PPP2CB: variants seen among roughly 807,000 people sequenced by gnomAD.
The protein encoded by PPP2CB is protein phosphatase 2 catalytic subunit beta, also known as serine/threonine-protein phosphatase 2A catalytic subunit beta isoform.
Under a neutral mutation model 39.1 loss-of-function variants are expected in PPP2CB, and 18 were observed. That is an observed-to-expected ratio of 0.46 (90% CI 0.32 to 0.68). PPP2CB has a LOEUF of 0.68. Among genes scored for constraint, PPP2CB ranks in the 30% least tolerant of loss-of-function variants. The pLI is 0.04. For missense variants in PPP2CB, 226 were observed against 396.9 expected, an observed-to-expected ratio of 0.57 and a Z score of 3.66; for synonymous variants, 129 against 133.8, an observed-to-expected ratio of 0.96 and a Z score of 0.25.
At chr8:30,799,863 A>G in intron 1 of PPP2CB, 108 bp from the exon 2 acceptor site, 1 of 872,960 alleles carries the variant, frequency 1.1e-6, no homozygotes, top group South Asian at 1.7e-5. Flanking sequence ...ATAAAAGCGT[A>G]TGTGAAAACC....
chr8:30,797,802 T>C (rs745587593), intron 2 of PPP2CB, 48 bp from the exon 3 acceptor site: 4 of 1,577,874 alleles, frequency 2.5e-6, no homozygotes, highest in South Asian at 2.3e-5. Context: ...TTTTTACTAG[T>C]GTCATGTGAA....
chr8:30,812,241 G>C (rs934693820), intron 1 of PPP2CB, 79 bp downstream of exon 1: 6 of 1,113,948 alleles, frequency 5.4e-6, no homozygotes, highest in African/African-American at 4.9e-5. Context: ...GGCCAGGGGC[G>C]GACGGGACCG....
At chr8:30,811,505 ATTTTTTT>A (rs569063598) in intron 1 of PPP2CB, among the ~76,000 whole-genome samples, 1 of 127,616 alleles carries the variant, frequency 7.8e-6, no homozygotes, top group Non-Finnish European at 1.6e-5. Context: ...AGAATCAGCG[ATTTTTTT>A]TTTTTTTTTT....
Position 30,785,905 on chromosome 8 carries a change from ATAAC to A in PPP2CB, c.*326_*329del, listed in dbSNP as rs1687820474. On this transcript the variant is annotated 3_prime_UTR_variant, in exon 7 of 7. Transcript: ENST00000221138. ...TATTAATCCATGCCAGTTAAACACT[ATAAC>A]TAAAATTTCCAAATAAGCGCAAAAG... 4.2e-6 allele frequency: 2 copies of A among 472,324 alleles called. No homozygotes were observed. Among genetic ancestry groups the A allele is most frequent in the Non-Finnish European group, 8.2e-6 (2 of 242,722 alleles). 29.3% of individuals were successfully genotyped at this position (472,324 alleles called of 1,614,324 possible). A position where few individuals can be genotyped will look rare whatever the true frequency, so the allele number is the denominator to read the frequency against.
chr8:30,811,624 TA>T (rs1207030858), intron 1 of PPP2CB, among the ~76,000 whole-genome samples: 2 of 150,762 alleles, frequency 1.3e-5, no homozygotes, highest in Non-Finnish European at 2.9e-5. Flanking sequence ...GCCTCCCGAA[TA>T]GCTGGGATTA....
intron 6 of PPP2CB, among the ~76,000 whole-genome samples, chr8:30,789,134 G>A (rs1348672986): frequency 2.0e-5 from 3 of 151,522 alleles, no homozygotes; most frequent in Non-Finnish European, 4.4e-5. Flanking sequence ...AGGTTCAAGC[G>A]ATTCTCCTGC....
chr8:30,794,341 A>T lies in PPP2CB; in HGVS notation c.487-60T>A, dbSNP rs1018292692. The T allele has an allele frequency of 2.9e-6, 4 of 1,373,438 alleles. No homozygotes were observed. The African/African-American group carries it at 4.3e-5, about 15-fold the overall frequency. The allele number at this position is 1,373,438 out of a possible 1,614,324, so 85.1% of individuals were successfully genotyped here. A position where few individuals can be genotyped will look rare whatever the true frequency, so the allele number is the denominator to read the frequency against. On this transcript the variant is annotated intron_variant, in intron 3 of 6. Coordinates refer to ENST00000221138, the MANE Select transcript of PPP2CB (RefSeq NM_001009552.2). ...TTTACTAACTCCAAACAGTTAACAA[A>T]GAGTAAATAATGGTTAAAAGTGTCA...
chr8:30,803,591 A>G (rs530733451), intron 1 of PPP2CB, among the ~76,000 whole-genome samples: 1 of 151,936 alleles, frequency 6.6e-6, no homozygotes, highest in East Asian at 1.9e-4. Flanking sequence ...CATGTCAATC[A>G]GTCTCTGGAA....
In PPP2CB at chr8:30,812,647, G is replaced by T. The variant is rs1131305; in HGVS notation, c.-226C>A. 76,883 of 368,148 alleles carry T rather than the reference G, an allele frequency of 0.21. 10,508 individuals are homozygous for T. Among genetic ancestry groups the T allele is most frequent in the African/African-American group, 0.49 (21,999 of 45,052 alleles). The allele number at this position is 368,148 out of a possible 1,614,324, so 22.8% of individuals were successfully genotyped here. On this transcript the variant is annotated 5_prime_UTR_variant, in exon 1 of 7. Coordinates refer to ENST00000221138, the MANE Select transcript of PPP2CB (RefSeq NM_001009552.2). ...CGCAGCCTGGAGGAGACCCCCGCCC[G>T]CCCTTCCCCGCCCGGCCGCGCGCCG...
chr8:30,786,153 T>C lies in PPP2CB; in HGVS notation c.*82A>G, dbSNP rs914287911. ...TTTGTTACAGAAACACATAGATTAC[T>C]GTTGCTTTTTGTTTTTAAATACATA... On this transcript the variant is annotated 3_prime_UTR_variant, in exon 7 of 7. Transcript: ENST00000221138. 3 of 1,185,160 alleles carry C rather than the reference T, an allele frequency of 2.5e-6. No homozygotes were observed. The highest frequency in any genetic ancestry group is 2.5e-5 in the Admixed American group (1 of 40,572). The allele number at this position is 1,185,160 out of a possible 1,614,324, so 73.4% of individuals were successfully genotyped here. A position where few individuals can be genotyped will look rare whatever the true frequency, so the allele number is the denominator to read the frequency against.
intron 6 of PPP2CB, among the ~76,000 whole-genome samples, chr8:30,788,295 GCT>G (rs1292991758): frequency 2.0e-5 from 3 of 149,694 alleles, no homozygotes; most frequent in Non-Finnish European, 4.4e-5. Flanking sequence ...CAGGGTCTTT[GCT>G]CTGTTGCCTA....
chr8:30,789,477 T>C (rs1390542675), intron 6 of PPP2CB, among the ~76,000 whole-genome samples: 1 of 152,216 alleles, frequency 6.6e-6, no homozygotes, highest in Non-Finnish European at 1.5e-5. Context: ...GGAAATGTTA[T>C]GTGACTTGCA....
intron 6 of PPP2CB, 109 bp from the exon 7 acceptor site, chr8:30,786,416 T>C (rs1483210484): frequency 2.3e-6 from 2 of 856,204 alleles, no homozygotes; most frequent in African/African-American, 3.4e-5. Flanking sequence ...TTTCCCACCA[T>C]GACTACATCA....
chr8:30,805,143 C>T (rs1427967908), intron 1 of PPP2CB, among the ~76,000 whole-genome samples: 2 of 152,216 alleles, frequency 1.3e-5, no homozygotes, highest in Non-Finnish European at 2.9e-5. Flanking sequence ...GAACAAGCGC[C>T]TCTTTTGCTA....
At chr8:30,791,733 T>C (rs1305772625) in intron 5 of PPP2CB, among the ~76,000 whole-genome samples, 1 of 152,086 alleles carries the variant, frequency 6.6e-6, no homozygotes, top group Non-Finnish European at 1.5e-5. Context: ...AATAATCTCT[T>C]TATTTCTAAT....
intron 2 of PPP2CB, among the ~76,000 whole-genome samples, chr8:30,799,233 G>C (rs1263215776): frequency 2.0e-5 from 3 of 152,162 alleles, no homozygotes; most frequent in Non-Finnish European, 2.9e-5. Context: ...AAAATAGAAA[G>C]AGACAGGAAC....
chr8:30,786,741 G>C (rs1324860725), intron 6 of PPP2CB, among the ~76,000 whole-genome samples: 2 of 139,314 alleles, frequency 1.4e-5, no homozygotes, highest in Non-Finnish European at 3.0e-5. Context: ...TCGGCTTATT[G>C]CAAGCTCCGC....
At chr8:30,802,046 ACCATGTATTC>A (rs1447001222) in intron 1 of PPP2CB, among the ~76,000 whole-genome samples, 3 of 152,180 alleles carry the variant, frequency 2.0e-5, no homozygotes, top group Admixed American at 2.0e-4. Context: ...ATTCTAGGCT[ACCATGTATTC>A]TTCTACAAAT....
rs187308446 is a variant in PPP2CB at position 30,796,745 on chromosome 8, T to C, written c.486+836A>G. Among the ~76,000 whole-genome samples, 258 of 152,298 alleles carry C rather than the reference T, an allele frequency of 1.7e-3. 2 individuals carry two copies. Among genetic ancestry groups the C allele is most frequent in the Non-Finnish European group, 1.2e-3 (82 of 68,024 alleles). Reference sequence around the variant, plus strand: ...TGCTTACAGTGATTATCTCTAGAAATTGAAATAGGAAATTTGCATAATTTC... The same window carrying C: ...TGCTTACAGTGATTATCTCTAGAAACTGAAATAGGAAATTTGCATAATTTC... On this transcript the variant is annotated intron_variant, in intron 3 of 6. Transcript: ENST00000221138.
Sources: gnomAD v4.1 joint callset for allele counts (sites outside exome capture counted in the v4.1 genomes callset) on GRCh38, gnomAD v4.1.1 for gene constraint, MANE v1.5 for transcripts, NCBI Gene and HGNC (gene_info 2026-07-23, HGNC 2026-07-21) for gene names.